The following IWS1 variants were observed in gnomAD, a reference collection of about 807,000 sequenced individuals.
The protein encoded by IWS1 is protein IWS1 homolog.
Under a neutral mutation model 86.7 loss-of-function variants are expected in IWS1, and 27 were observed. The observed-to-expected ratio is 0.31, with a 90% CI of 0.23 to 0.43. The LOEUF is 0.43. IWS1 is among the 20% of genes least tolerant of loss of function. IWS1 has a pLI of 1.00. For missense variants in IWS1, 827 were observed against 1,000.8 expected (o/e 0.83, Z 2.34); for synonymous variants, 313 against 335.1 (o/e 0.93, Z 0.72).
chr2:127,526,770 C>T (rs1217154683), upstream of IWS1: 2 of 1,036,254 alleles, frequency 1.9e-6, no homozygotes, highest in South Asian at 1.3e-5. Context: ...AAGACCTGCT[C>T]AAATGACTTT....
upstream of IWS1, chr2:127,527,036 C>T (rs1259930233): frequency 2.0e-5 from 4 of 200,598 alleles, no homozygotes; most frequent in Non-Finnish European, 4.2e-5. Context: ...TCTTTGCTTC[C>T]AGAAGGGTTC....
chr2:127,488,370 T>C (rs1281079754), intron 12 of IWS1, among the ~76,000 whole-genome samples: 1 of 152,216 alleles, frequency 6.6e-6, no homozygotes, highest in Non-Finnish European at 1.5e-5. Context: ...AAAAGAGAAC[T>C]TGCCTGGTCC....
chr2:127,524,858 G>A (rs990168049), intron 1 of IWS1, among the ~76,000 whole-genome samples: 37 of 145,668 alleles, frequency 2.5e-4, no homozygotes, highest in Non-Finnish European at 5.6e-4. Context: ...TATTCTGAAA[G>A]TATCAGGAAA....
Position 127,504,815 on chromosome 2 carries a change from G to A in IWS1, c.1088C>T (p.Ser363Phe). 6.2e-7 allele frequency: 1 copy of A among 1,614,072 alleles called. No homozygotes were observed. ...TTTGTGTTCTTCCTCCTCACTATCA[G>A]AACTGTGAAACTTTTTTCTGTCCAT... ...SHMDRKKFHS[S>F]DSEEEEHKKQ... is the part of the protein sequence containing the mutation. Residue 363 changes from serine to phenylalanine, a missense_variant, in exon 3 of 14, where the codon TCT becomes TTT. Physicochemically the swap from Ser to Phe is radical, Grantham distance 155. Transcript: ENST00000295321.
rs769986803 is a variant in IWS1, at chr2:127,494,919, T to C, written c.1752A>G (p.Ala584=). 2 of 1,604,254 alleles carry C rather than the reference T, an allele frequency of 1.2e-6. No homozygotes were observed. Among genetic ancestry groups the C allele is most frequent in the Admixed American group, 1.7e-5 (1 of 59,232 alleles). ...DRQLNNQKKP[A]LKKLTLLPAV... ...CAGGCAGTAAAGTTAATTTTTTCAG[T>C]GCTGGCTTTTTTTGATTGTTCAACT... is the stretch of plus-strand genomic sequence containing the variant. Residue 584 remains alanine, a synonymous_variant, in exon 8 of 14, where the codon GCA becomes GCG. Transcript: ENST00000295321.
Position 127,483,576 on chromosome 2 carries a change from C to CGG in IWS1, c.2329-2403_2329-2402dup, listed in dbSNP as rs58128086. ...AACCAAAATTATAATTTGGTCGGGG[C>CGG]GGGGGGTGGTGGGGTGGGGGGGTTG... On this transcript the variant is annotated intron_variant, in intron 13 of 13. Coordinates refer to ENST00000295321, the MANE Select transcript of IWS1 (RefSeq NM_017969.3). Among the ~76,000 whole-genome samples the CGG allele has an allele frequency of 1.7e-4, 6 of 34,432 alleles. 1 individual carries two copies. Among genetic ancestry groups the CGG allele is most frequent in the Non-Finnish European group, 3.2e-4 (6 of 19,020 alleles). The allele number at this position is 34,432 out of a possible 152,430, so 22.6% of individuals were successfully genotyped here.
At chr2:127,510,569 T>G (rs1691394089) in intron 2 of IWS1, among the ~76,000 whole-genome samples, 1 of 152,070 alleles carries the variant, frequency 6.6e-6, no homozygotes, top group African/African-American at 2.4e-5. Flanking sequence ...CATAGCTCAG[T>G]ATAGCCTTGA....
chr2:127,494,824 C>G (rs777511849), intron 8 of IWS1, 48 bp downstream of exon 8: 2 of 1,063,770 alleles, frequency 1.9e-6, no homozygotes, highest in Non-Finnish European at 2.8e-6. Flanking sequence ...TTTGAATTAT[C>G]ATTCCATGAA....
In IWS1 at chr2:127,489,187, T is replaced by C. The variant is rs765076183; in HGVS notation, c.2208A>G (p.Gly736=). 6.2e-6 allele frequency: 10 copies of C among 1,611,936 alleles called. No individual in the cohort carries two copies. Among genetic ancestry groups the C allele is most frequent in the Non-Finnish European group, 8.5e-6 (10 of 1,178,490 alleles). The change falls in exon 12 of 14, where the codon GGA becomes GGG. Residue 736 remains glycine (G), a synonymous_variant. Transcript: ENST00000295321. The surrounding 1 kb of genome is among the most constrained non-coding windows in gnomAD (Gnocchi z 4.8). The stretch of plus-strand genomic sequence containing the variant: ...TAACATTAAAACCTTACTTCTCCTC[T>C]CCTGTCAGCACCTTTTCCAGGTCTC... The part of the protein sequence containing the change: ...PRRDLEKVLT[G]EEKALRPGDP...
At chr2:127,500,847 CCT>C (rs1267932515) in intron 5 of IWS1, among the ~76,000 whole-genome samples, 1 of 152,072 alleles carries the variant, frequency 6.6e-6, no homozygotes, top group Non-Finnish European at 1.5e-5. Context: ...ACTTTCCCCC[CCT>C]ATTAGTTTAG....
intron 2 of IWS1, among the ~76,000 whole-genome samples, chr2:127,513,775 A>C (rs1441173948): frequency 6.6e-6 from 1 of 152,226 alleles, no homozygotes; most frequent in Non-Finnish European, 1.5e-5. Context: ...GACGAATGCA[A>C]ATCACACCCA....
chr2:127,489,918 A>T lies in IWS1; in HGVS notation c.2073T>A (p.Gly691=), dbSNP rs189271953. ...LINEWSRPIF[G]LTSNYKGMTR... is the part of the protein sequence containing the mutation. ...TCATTCCTTTGTAGTTTGAGGTAAG[A>T]CCAAATATAGGCCTAGACCACTCAT... Residue 691 remains glycine (G), a synonymous_variant, in exon 11 of 14, where the codon GGT becomes GGA. Coordinates refer to ENST00000295321, the MANE Select transcript of IWS1 (RefSeq NM_017969.3). This position sits in a 1 kb window ranked among gnomAD's most constrained non-coding sequence, Gnocchi z 4.8. 6.2e-7 allele frequency: 1 copy of T among 1,606,580 alleles called. No individual in the cohort carries two copies. Among genetic ancestry groups the T allele is most frequent in the East Asian group, 2.2e-5 (1 of 44,840 alleles).
At position 127,496,248 on chromosome 2, in the gene IWS1, A is replaced by T. The variant is rs967052328; in HGVS notation, c.1566-100T>A. ...ACACCAAATTTCTTAATTCTAACTC[A>T]ATGAAGTGCTACCTTCTTTTAAAAG... On this transcript the variant is annotated intron_variant, in intron 6 of 13. Coordinates refer to ENST00000295321, the MANE Select transcript of IWS1 (RefSeq NM_017969.3). The T allele has an allele frequency of 4.0e-6, 5 of 1,249,024 alleles. No homozygotes were observed. The East Asian group carries it at 1.3e-4, about 31-fold the overall frequency. 77.4% of individuals were successfully genotyped at this position (1,249,024 alleles called of 1,614,324 possible). A position where few individuals can be genotyped will look rare whatever the true frequency, so the allele number is the denominator to read the frequency against.
intron 10 of IWS1, 78 bp from the exon 11 acceptor site, chr2:127,490,021 G>C: frequency 2.5e-6 from 2 of 786,414 alleles, no homozygotes; most frequent in Non-Finnish European, 4.6e-6. Context: ...ACCCCAGTGT[G>C]AGGGGATATT....
At chr2:127,519,702 G>A (rs1691981233) in intron 2 of IWS1, among the ~76,000 whole-genome samples, 1 of 152,146 alleles carries the variant, frequency 6.6e-6, no homozygotes, top group South Asian at 2.1e-4. Context: ...CACTTTACAT[G>A]CAAGGGACTG....
chr2:127,526,053 G>A, intron 1 of IWS1, 122 bp downstream of exon 1: 3 of 920,268 alleles, frequency 3.3e-6, no homozygotes, highest in East Asian at 5.3e-5. Context: ...GCCCTCCTCG[G>A]GCCGGGTCGC....
intron 5 of IWS1, chr2:127,498,749 G>A (rs1209833192): frequency 6.6e-6 from 1 of 152,208 alleles, no homozygotes; most frequent in African/African-American, 2.4e-5. Context: ...GAGGACTCCT[G>A]TTTCCCTACG....
At chr2:127,490,159 CCA>C (rs1159862053) in intron 10 of IWS1, among the ~76,000 whole-genome samples, 1 of 152,074 alleles carries the variant, frequency 6.6e-6, no homozygotes, top group Non-Finnish European at 1.5e-5. Flanking sequence ...TAAAAGATCA[CCA>C]CAGAGATTTA....
At chr2:127,490,936 G>A (rs1017328010) in intron 10 of IWS1, 2 of 152,092 alleles carry the variant, frequency 1.3e-5, no homozygotes, top group African/African-American at 2.4e-5. Context: ...TATTCTATTC[G>A]AACGTAGTAG....
Sources: gnomAD v4.1 joint callset for allele counts (sites outside exome capture counted in the v4.1 genomes callset) on GRCh38, gnomAD v4.1.1 for gene constraint, Gnocchi (gnomAD v3.1) non-coding constraint, MANE v1.5 for transcripts, NCBI Gene and HGNC (gene_info 2026-07-23, HGNC 2026-07-21) for gene names.